The following HIP1 variants were observed in gnomAD, a reference collection of about 807,000 sequenced individuals.
HIP1 encodes huntingtin interacting protein 1, also known as huntingtin-interacting protein 1.
Under a neutral mutation model 147.6 loss-of-function variants are expected in HIP1, and 65 were observed. The ratio of observed to expected loss-of-function variants is 0.44; its 90% CI spans 0.36 to 0.54. The LOEUF (loss-of-function observed/expected upper bound fraction) is 0.54, where lower values mean the gene tolerates loss of function less well. Among genes scored for constraint, HIP1 ranks in the 20% least tolerant of loss-of-function variants. HIP1 has a pLI of 0.00. For missense variants in HIP1, 1,061 were observed against 1,299.6 expected (o/e 0.82, Z 2.82); for synonymous variants, 479 against 504.0 (o/e 0.95, Z 0.67).
intron 1 of HIP1, among the ~76,000 whole-genome samples, chr7:75,606,177 G>C (rs1220268230): frequency 1.3e-5 from 2 of 152,014 alleles, no homozygotes; most frequent in African/African-American, 4.8e-5. Flanking sequence ...TAAAAGTACA[G>C]GAAAAATGGA....
Position 75,555,446 on chromosome 7 carries a change from G to T in HIP1, c.1933C>A (p.Pro645Thr). ...GACCCAGCGCAGCTGATGAGAGGAGGTTCTTCAAGCTGGTTCAGGGCGTCT... is the reference window on the plus strand; with the variant it reads ...GACCCAGCGCAGCTGATGAGAGGAGTTTCTTCAAGCTGGTTCAGGGCGTCT... ...IQDALNQLEEPPLISCAGSAD... is the reference protein window; with the variant it reads ...IQDALNQLEETPLISCAGSAD... The change falls in exon 19 of 31, where the codon CCT becomes ACT. Residue 645 changes from proline (P) to threonine (T), a missense_variant. Transcript: ENST00000336926. The T allele has an allele frequency of 1.9e-6, 3 of 1,614,008 alleles. No homozygotes were observed. Among genetic ancestry groups the T allele is most frequent in the South Asian group, 1.1e-5 (1 of 91,074 alleles).
At chr7:75,736,409 A>G (rs972050454) in intron 1 of HIP1, among the ~76,000 whole-genome samples, 3 of 151,552 alleles carry the variant, frequency 2.0e-5, no homozygotes, top group Non-Finnish European at 4.4e-5. Context: ...TTATTTTCTT[A>G]TTTCATTTAT....
chr7:75,701,931 A>T (rs1800843768), intron 1 of HIP1, among the ~76,000 whole-genome samples: 1 of 151,474 alleles, frequency 6.6e-6, no homozygotes, highest in Non-Finnish European at 1.5e-5. Context: ...TTATTTATTT[A>T]TTATTTATAT....
rs949227629 is a variant in HIP1 at position 75,621,639 on chromosome 7, G to A, written c.121-22392C>T. Among the ~76,000 whole-genome samples the A allele has an allele frequency of 1.5e-4, 23 of 152,172 alleles. 1 individual carries two copies. The highest frequency in any genetic ancestry group is 1.0e-4 in the Non-Finnish European group (7 of 68,012). On this transcript the variant is annotated intron_variant, in intron 1 of 30. Coordinates refer to ENST00000336926, the MANE Select transcript of HIP1 (RefSeq NM_005338.7). Reference sequence around the variant, plus strand: ...TGCTGTGCTGAGAACAGACTGCAGGGACCAGTGTGGCTGCAGGGACCACAG... The same window carrying A: ...TGCTGTGCTGAGAACAGACTGCAGGAACCAGTGTGGCTGCAGGGACCACAG...
rs76113251 is a variant in HIP1 at position 75,662,117 on chromosome 7, G to A, written c.121-62870C>T. Among the ~76,000 whole-genome samples the A allele has an allele frequency of 2.1e-3, 321 of 150,872 alleles. 4 individuals carry two copies. In the East Asian group the frequency reaches 0.049, roughly 23 times the overall value. On this transcript the variant is annotated intron_variant, in intron 1 of 30. Transcript: ENST00000336926. Reference sequence around the variant, plus strand: ...AGGGGAAGGAGGGGGCGTAGCTGGCGATGTCATGGGGGATGAAATCAGAGA... The same window carrying A: ...AGGGGAAGGAGGGGGCGTAGCTGGCAATGTCATGGGGGATGAAATCAGAGA...
chr7:75,719,310 C>G (rs564925887), intron 1 of HIP1, among the ~76,000 whole-genome samples: 31 of 152,070 alleles, frequency 2.0e-4, no homozygotes, highest in African/African-American at 7.0e-4. Flanking sequence ...CAAAACCATC[C>G]TGGCCAACAC....
intron 1 of HIP1, among the ~76,000 whole-genome samples, chr7:75,643,654 A>G (rs1438504368): frequency 2.0e-5 from 3 of 152,166 alleles, no homozygotes; most frequent in African/African-American, 7.2e-5. Context: ...TTTTATAAGG[A>G]GAATGTAATG....
In HIP1 at chr7:75,583,635, G is replaced by A. The variant is rs115749905; in HGVS notation, c.466-1484C>T. Among the ~76,000 whole-genome samples, 1,259 of 152,008 alleles carry A rather than the reference G, an allele frequency of 8.3e-3. 21 individuals carry two copies. The highest frequency in any genetic ancestry group is 0.029 in the African/African-American group (1,206 of 41,444). On this transcript the variant is annotated intron_variant, in intron 5 of 30. Coordinates refer to ENST00000336926, the MANE Select transcript of HIP1 (RefSeq NM_005338.7). Reference sequence around the variant, plus strand: ...GAGACATGGCCTCACTGTTGCCCACGCTGGAGTGCAGTGGCATGATCATCA... The same window carrying A: ...GAGACATGGCCTCACTGTTGCCCACACTGGAGTGCAGTGGCATGATCATCA...
In HIP1 at chr7:75,556,704, A is replaced by C. The variant is rs1554493415; in HGVS notation, c.1683+6T>G. 3 of 1,578,618 alleles carry C rather than the reference A, an allele frequency of 1.9e-6. No individual in the cohort carries two copies. Among genetic ancestry groups the C allele is most frequent in the South Asian group, 2.3e-5 (2 of 87,946 alleles). Reference sequence around the variant, plus strand: ...CTATCTCCAAAAAAAAAAAGGAGGTATTTACCTGGGCAGAAGTTTCCAGGC... The same window carrying C: ...CTATCTCCAAAAAAAAAAAGGAGGTCTTTACCTGGGCAGAAGTTTCCAGGC... On this transcript the variant is annotated splice_donor_region_variant and intron_variant, in intron 17 of 30. Transcript: ENST00000336926.
chr7:75,685,896 T>G (rs868953728), intron 1 of HIP1, among the ~76,000 whole-genome samples: 5 of 151,784 alleles, frequency 3.3e-5, no homozygotes, highest in Non-Finnish European at 4.4e-5. Context: ...GTGGCCTTTT[T>G]TTGTTGTTGT....
intron 1 of HIP1, among the ~76,000 whole-genome samples, chr7:75,605,822 C>T (rs1448821883): frequency 6.6e-6 from 1 of 152,106 alleles, no homozygotes; most frequent in Non-Finnish European, 1.5e-5. Flanking sequence ...GCGTGAGCTA[C>T]CGCGCCTGGC....
chr7:75,689,503 CAAAT>C (rs1800375737), intron 1 of HIP1, among the ~76,000 whole-genome samples: 2 of 151,806 alleles, frequency 1.3e-5, no homozygotes, highest in Admixed American at 1.3e-4. Context: ...GACTCCGCCT[CAAAT>C]AAATAAATAA....
intron 1 of HIP1, among the ~76,000 whole-genome samples, chr7:75,669,584 C>CAAAACAAAA (rs71098055): frequency 1.3e-5 from 2 of 151,260 alleles, no homozygotes; most frequent in Admixed American, 6.6e-5. Context: ...CAAAACAAAA[C>CAAAACAAAA]AAGAAACACC....
chr7:75,716,825 T>G lies in HIP1; in HGVS notation c.120+21976A>C, dbSNP rs557469948. Among the ~76,000 whole-genome samples, 474 of 134,196 alleles carry G rather than the reference T, an allele frequency of 3.5e-3. 3 individuals are homozygous for G. Among genetic ancestry groups the G allele is most frequent in the African/African-American group, 0.011 (320 of 28,412 alleles). 88.0% of individuals were successfully genotyped at this position (134,196 alleles called of 152,430 possible). A position where few individuals can be genotyped will look rare whatever the true frequency, so the allele number is the denominator to read the frequency against. ...TAAACCACCACGCCCAGCTTTTTTT[T>G]AGGGGGGGGGAAAGGATCTCACTCT... On this transcript the variant is annotated intron_variant, in intron 1 of 30. Coordinates refer to ENST00000336926, the MANE Select transcript of HIP1 (RefSeq NM_005338.7).
At position 75,584,850 on chromosome 7, in the gene HIP1, C is replaced by CT. The variant is rs5884971; in HGVS notation, c.465+1902dup. ...TCCTCCTCCCACTTTCCATTTAACA[C>CT]TTTTTTTTTTTTTTTTGAGACAGAG... On this transcript the variant is annotated intron_variant, in intron 5 of 30. Transcript: ENST00000336926. Among the ~76,000 whole-genome samples the CT allele has an allele frequency of 6.2e-3, 879 of 142,688 alleles. 7 individuals are homozygous for CT. The highest frequency in any genetic ancestry group is 0.017 in the South Asian group (77 of 4,450). The allele number at this position is 142,688 out of a possible 152,430, so 93.6% of individuals were successfully genotyped here.
chr7:75,660,355 C>T (rs1554513434), intron 1 of HIP1, among the ~76,000 whole-genome samples: 1 of 149,714 alleles, frequency 6.7e-6, no homozygotes, highest in East Asian at 2.0e-4. Context: ...GGCAAAAGCC[C>T]GTTTCTACTA....
intron 1 of HIP1, among the ~76,000 whole-genome samples, chr7:75,618,400 C>T (rs1490826680): frequency 2.0e-5 from 3 of 152,148 alleles, no homozygotes; most frequent in Non-Finnish European, 4.4e-5. Flanking sequence ...TTTCATCTGC[C>T]TCAGCCTCCC....
chr7:75,666,312 G>A (rs1466354599), intron 1 of HIP1, among the ~76,000 whole-genome samples: 3 of 151,898 alleles, frequency 2.0e-5, no homozygotes, highest in Non-Finnish European at 4.4e-5. Context: ...GGGATTACAG[G>A]TGCATCATCA....
chr7:75,598,553 A>G (rs1252598661), intron 2 of HIP1, among the ~76,000 whole-genome samples: 3 of 151,798 alleles, frequency 2.0e-5, no homozygotes, highest in African/African-American at 7.3e-5. Flanking sequence ...ATAGGTGAAG[A>G]TCCCTCCTGA....
Sources: allele counts gnomAD v4.1 joint callset (sites outside exome capture counted in the v4.1 genomes callset), GRCh38; gene constraint gnomAD v4.1.1; transcripts MANE v1.5; gene names NCBI Gene and HGNC (gene_info 2026-07-23, HGNC 2026-07-21).